Variants in INPP4B observed in about 807,000 individuals in gnomAD.
INPP4B encodes inositol polyphosphate-4-phosphatase type II B.
INPP4B carries 55 observed loss-of-function variants against 122.5 expected under a neutral mutation model. The ratio of observed to expected loss-of-function variants is 0.45; its 90% CI spans 0.36 to 0.56. The LOEUF is 0.56. INPP4B is among the 20% of genes least tolerant of loss of function. The probability of loss-of-function intolerance (pLI) is 0.00; values close to 1 mark genes in which losing one functional copy is unlikely to be tolerated. For synonymous variants in INPP4B, 403 were observed against 388.7 expected (o/e 1.04, Z -0.43); for missense variants, 1,000 against 1,097.7 (o/e 0.91, Z 1.26).
intron 3 of INPP4B, among the ~76,000 whole-genome samples, chr4:142,442,550 G>C (rs529823334): frequency 1.6e-4 from 25 of 152,030 alleles, no homozygotes; most frequent in Non-Finnish European, 2.8e-4. Context: ...AAATATATTT[G>C]TCACATAGAA....
chr4:142,107,105 T>A (rs1051700416), intron 23 of INPP4B, among the ~76,000 whole-genome samples: 7 of 152,144 alleles, frequency 4.6e-5, no homozygotes, highest in African/African-American at 1.7e-4. Flanking sequence ...CAAAAAATAA[T>A]ATTTGATTTG....
intron 2 of INPP4B, among the ~76,000 whole-genome samples, chr4:142,721,348 T>A (rs1426038578): frequency 6.6e-6 from 1 of 152,166 alleles, no homozygotes; most frequent in East Asian, 1.9e-4. Context: ...GCAGAGTATA[T>A]GCTCTTGCAC....
chr4:142,533,399 A>C (rs1489740284), intron 2 of INPP4B, among the ~76,000 whole-genome samples: 1 of 152,044 alleles, frequency 6.6e-6, no homozygotes, highest in East Asian at 1.9e-4. Context: ...GCTCTCAACC[A>C]CTTCTTTTGA....
chr4:142,132,175 T>C (rs577314850), intron 18 of INPP4B, among the ~76,000 whole-genome samples: 4 of 152,284 alleles, frequency 2.6e-5, no homozygotes, highest in African/African-American at 9.6e-5. Context: ...CATGAAGTTA[T>C]CATATAGCAT....
chr4:142,816,138 G>A (rs1780086236), intron 1 of INPP4B, among the ~76,000 whole-genome samples: 1 of 152,020 alleles, frequency 6.6e-6, no homozygotes, highest in Non-Finnish European at 1.5e-5. Flanking sequence ...GGCCCTCTTG[G>A]GGAAATACCT....
intron 11 of INPP4B, among the ~76,000 whole-genome samples, chr4:142,255,745 A>G (rs1283962088): frequency 1.3e-5 from 2 of 152,154 alleles, no homozygotes; most frequent in African/African-American, 2.4e-5. Flanking sequence ...ACTCCCACAC[A>G]TTAATAATGG....
At chr4:142,637,679 T>C (rs1749473511) in intron 2 of INPP4B, among the ~76,000 whole-genome samples, 1 of 152,206 alleles carries the variant, frequency 6.6e-6, no homozygotes, top group Non-Finnish European at 1.5e-5. Flanking sequence ...AGTTTTTGTG[T>C]GAACATAAGT....
intron 2 of INPP4B, among the ~76,000 whole-genome samples, chr4:142,650,302 CA>C (rs1195172785): frequency 1.3e-5 from 2 of 152,150 alleles, no homozygotes; most frequent in Non-Finnish European, 2.9e-5. Context: ...GAAGAAACTG[CA>C]TCAATTAACA....
At chr4:142,254,252 G>T (rs978671424) in intron 11 of INPP4B, among the ~76,000 whole-genome samples, 3 of 151,602 alleles carry the variant, frequency 2.0e-5, no homozygotes, top group Non-Finnish European at 4.4e-5. Flanking sequence ...CAAAGATGGG[G>T]AAAAAGCAGA....
chr4:142,735,824 T>C (rs1206659075), intron 1 of INPP4B, among the ~76,000 whole-genome samples: 3 of 152,296 alleles, frequency 2.0e-5, no homozygotes, highest in South Asian at 4.1e-4. Context: ...TATATTTTCA[T>C]GCATTCGTTA....
intron 15 of INPP4B, among the ~76,000 whole-genome samples, chr4:142,188,118 C>T (rs989480668): frequency 1.3e-5 from 2 of 151,878 alleles, no homozygotes; most frequent in Non-Finnish European, 2.9e-5. Context: ...TATTTCTTTA[C>T]AAAACTGGAA....
intron 12 of INPP4B, among the ~76,000 whole-genome samples, chr4:142,226,405 T>C (rs1020641018): frequency 6.6e-6 from 1 of 152,214 alleles, no homozygotes; most frequent in Non-Finnish European, 1.5e-5. Flanking sequence ...GGTTGTTTTT[T>C]GATAGTTAGT....
intron 23 of INPP4B, among the ~76,000 whole-genome samples, chr4:142,087,863 TG>T (rs572004983): frequency 1.2e-3 from 185 of 152,268 alleles, no homozygotes; most frequent in African/African-American, 4.3e-3. Flanking sequence ...GTTGGTAAGG[TG>T]GGAATTTCCA....
At chr4:142,435,894 G>T (rs73850871) in intron 3 of INPP4B, among the ~76,000 whole-genome samples, 5 of 151,948 alleles carry the variant, frequency 3.3e-5, no homozygotes, top group Non-Finnish European at 2.9e-5. Flanking sequence ...CCAGGTTTCT[G>T]GGGGGAGGGG....
intron 7 of INPP4B, among the ~76,000 whole-genome samples, chr4:142,340,919 T>A (rs1345165239): frequency 6.6e-6 from 1 of 152,160 alleles, no homozygotes; most frequent in Non-Finnish European, 1.5e-5. Flanking sequence ...TGTTGTTTTA[T>A]CATATCTGGT....
chr4:142,639,179 A>G (rs1227008537), intron 2 of INPP4B, among the ~76,000 whole-genome samples: 1 of 152,116 alleles, frequency 6.6e-6, no homozygotes, highest in Non-Finnish European at 1.5e-5. Context: ...TTGATTTCTT[A>G]GTATTTTGTT....
intron 12 of INPP4B, among the ~76,000 whole-genome samples, chr4:142,212,019 G>A (rs1845119130): frequency 6.6e-6 from 1 of 152,126 alleles, no homozygotes; most frequent in African/African-American, 2.4e-5. Flanking sequence ...GGTCAAAAAT[G>A]TGAAGACATG....
intron 23 of INPP4B, among the ~76,000 whole-genome samples, chr4:142,094,829 T>C (rs1299432878): frequency 2.0e-5 from 3 of 152,228 alleles, no homozygotes; most frequent in Non-Finnish European, 4.4e-5. Flanking sequence ...TTTCTTACTA[T>C]ATAGAATAAG....
Position 142,806,759 on chromosome 4 carries a change from AGAAAGAAGAAAGAAAGAAAGAAAGAAG to A in INPP4B, c.-254+39423_-254+39449del, listed in dbSNP as rs1432186778. ...ACCCTGTTAAAAAAAAAGAAGAAGAAGAAAGAAGAAAGAAAGAAAGAAAGAAGGAAAGAAAGAAAGAAAGAAAGAAAG... is the reference window on the plus strand; with the variant it reads ...ACCCTGTTAAAAAAAAAGAAGAAGAAGAAAGAAAGAAAGAAAGAAAGAAAG... On this transcript the variant is annotated intron_variant, in intron 1 of 25. Coordinates refer to ENST00000262992, the MANE Select transcript of INPP4B (RefSeq NM_001101669.3). 3.7e-3 allele frequency among the ~76,000 whole-genome samples: 441 copies of A among 118,146 alleles called. 3 individuals carry two copies. The highest frequency in any genetic ancestry group is 0.016 in the Middle Eastern group (4 of 244). The allele number at this position is 118,146 out of a possible 152,430, so 77.5% of individuals were successfully genotyped here. A position where few individuals can be genotyped will look rare whatever the true frequency, so the allele number is the denominator to read the frequency against.
Sources: gnomAD v4.1 joint callset for allele counts (sites outside exome capture counted in the v4.1 genomes callset) on GRCh38, gnomAD v4.1.1 for gene constraint, MANE v1.5 for transcripts, NCBI Gene and HGNC (gene_info 2026-07-23, HGNC 2026-07-21) for gene names.